Variants in ELFN1 observed in about 807,000 individuals in gnomAD.
The protein encoded by ELFN1 is protein ELFN1.
ELFN1 carries 6 observed loss-of-function variants against 7.6 expected under a neutral mutation model. That is an observed-to-expected ratio of 0.79 (90% CI 0.43 to 1.56). The LOEUF (loss-of-function observed/expected upper bound fraction) is 1.56, where lower values mean the gene tolerates loss of function less well. Among genes scored for constraint, ELFN1 ranks in the 40% most tolerant of loss-of-function variants. The pLI is 0.01. For synonymous variants in ELFN1, 657 were observed against 588.1 expected (o/e 1.12, Z -1.70); for missense variants, 1,169 against 1,232.2 (o/e 0.95, Z 0.77).
chr7:1,675,656 C>T (rs938197747), intron 1 of ELFN1, among the ~76,000 whole-genome samples: 2 of 152,186 alleles, frequency 1.3e-5, no homozygotes, highest in African/African-American at 2.4e-5. Context: ...GGGGGGCCGT[C>T]GGGGGGCTCC....
chr7:1,690,846 G>A (rs1368119530), intron 2 of ELFN1, among the ~76,000 whole-genome samples: 1 of 152,050 alleles, frequency 6.6e-6, no homozygotes, highest in East Asian at 1.9e-4. Flanking sequence ...ATGAATTGGT[G>A]GGTAAGTGGG....
At chr7:1,743,132 T>C (rs1432066778) in intron 3 of ELFN1, among the ~76,000 whole-genome samples, 2 of 152,006 alleles carry the variant, frequency 1.3e-5, no homozygotes, top group African/African-American at 4.8e-5. Context: ...GATGCCTCGC[T>C]CCCCGGACGT....
At chr7:1,716,562 G>C (rs911531654) in intron 3 of ELFN1, among the ~76,000 whole-genome samples, 1 of 152,248 alleles carries the variant, frequency 6.6e-6, no homozygotes, top group Non-Finnish European at 1.5e-5. Flanking sequence ...GTGATCCCCA[G>C]GTCCCCTGCA....
At chr7:1,741,127 C>T (rs1780598644) in intron 3 of ELFN1, among the ~76,000 whole-genome samples, 1 of 62,018 alleles carries the variant, frequency 1.6e-5, no homozygotes, top group Non-Finnish European at 3.4e-5. Flanking sequence ...AAGACTCTGT[C>T]TCAAAAAAAA....
At chr7:1,688,382 G>A (rs555187846) in intron 2 of ELFN1, among the ~76,000 whole-genome samples, 1 of 152,114 alleles carries the variant, frequency 6.6e-6, no homozygotes, top group African/African-American at 2.4e-5. Context: ...CTTTCTGTTA[G>A]CTTATAAAGA....
intron 2 of ELFN1, among the ~76,000 whole-genome samples, chr7:1,703,481 G>C (rs1398646502): frequency 6.6e-6 from 1 of 152,122 alleles, no homozygotes; most frequent in African/African-American, 2.4e-5. Flanking sequence ...ATTGAATTCT[G>C]TTTTCTTCCA....
chr7:1,702,427 G>GA (rs374309412), intron 2 of ELFN1, among the ~76,000 whole-genome samples: 19 of 141,084 alleles, frequency 1.3e-4, no homozygotes, highest in South Asian at 4.4e-4. Context: ...CGTCGGGGGG[G>GA]AAAAAAAAAA....
Position 1,705,229 on chromosome 7 carries a change from G to A in ELFN1, c.-455-3862G>A, listed in dbSNP as rs932706373. Among the ~76,000 whole-genome samples the A allele has an allele frequency of 1.3e-5, 2 of 152,134 alleles. No homozygotes were observed. The highest frequency in any genetic ancestry group is 2.4e-5 in the African/African-American group (1 of 41,426). On this transcript the variant is annotated intron_variant, in intron 2 of 3. Coordinates refer to ENST00000424383, the MANE Select transcript of ELFN1 (RefSeq NM_001128636.4). The surrounding 1 kb of genome is among the most constrained non-coding windows in gnomAD (Gnocchi z 4.3). ...CCTGGGCGGGGCGGCACAGCTGTGC[G>A]GGAGGCTGGGCTGCTGGCATCAGCA...
intron 3 of ELFN1, among the ~76,000 whole-genome samples, chr7:1,734,709 T>TC (rs1413694121): frequency 1.3e-5 from 2 of 148,740 alleles, no homozygotes; most frequent in Non-Finnish European, 3.0e-5. Context: ...TTTTTTTTCT[T>TC]TTTTTTTTTT....
chr7:1,734,101 T>C (rs1172237087), intron 3 of ELFN1, among the ~76,000 whole-genome samples: 2 of 152,146 alleles, frequency 1.3e-5, no homozygotes, highest in Non-Finnish European at 2.9e-5. Context: ...ACTGGAGAGA[T>C]TCAGGTCAGA....
At chr7:1,702,087 A>C (rs1779438796) in intron 2 of ELFN1, among the ~76,000 whole-genome samples, 1 of 152,038 alleles carries the variant, frequency 6.6e-6, no homozygotes, top group East Asian at 1.9e-4. Context: ...ATAATATCTG[A>C]GTCACCATAG....
At position 1,744,803 on chromosome 7, in the gene ELFN1, G is replaced by T; in HGVS notation, c.207G>T (p.Glu69Asp). The T allele has an allele frequency of 6.4e-7, 1 of 1,560,276 alleles. No individual in the cohort carries two copies. The highest frequency in any genetic ancestry group is 8.7e-7 in the Non-Finnish European group (1 of 1,151,496). ...CCATCGTGGACCTGCGGCTCAACGA[G>T]AACCGTATCCGCAGCGTGCAGTACG... ...NSTIVDLRLN[E>D]NRIRSVQYAS... Residue 69 changes from glutamate to aspartate, a missense_variant, in exon 4 of 4, where the codon GAG becomes GAT. By Grantham distance (45) the Glu-to-Asp change is conservative. Around this residue, in one of 2 missense-constraint regions of ELFN1, gnomAD observed 255 missense variants for 359.6 expected, o/e 0.71. Coordinates refer to ENST00000424383, the MANE Select transcript of ELFN1 (RefSeq NM_001128636.4).
intron 2 of ELFN1, chr7:1,692,410 C>G (rs1046778020): frequency 6.6e-6 from 1 of 152,388 alleles, no homozygotes; most frequent in African/African-American, 2.4e-5. Context: ...ACACCTCTCT[C>G]CCAAGCCTGG....
chr7:1,669,923 G>T (rs928137594), upstream of ELFN1, among the ~76,000 whole-genome samples: 10 of 150,198 alleles, frequency 6.7e-5, no homozygotes, highest in Non-Finnish European at 1.3e-4. Context: ...GGCCGGGGAC[G>T]GACCGCGAGG....
chr7:1,733,584 G>C (rs571127693), intron 3 of ELFN1, among the ~76,000 whole-genome samples: 1 of 152,252 alleles, frequency 6.6e-6, no homozygotes, highest in African/African-American at 2.4e-5. Context: ...GCCACTCCCT[G>C]CCTGGGGCGG....
At chr7:1,714,548 A>G (rs1316687156) in intron 3 of ELFN1, among the ~76,000 whole-genome samples, 1 of 152,268 alleles carries the variant, frequency 6.6e-6, no homozygotes, top group Non-Finnish European at 1.5e-5. Flanking sequence ...TAATCATAAA[A>G]ATAAATTCAG....
chr7:1,723,901 CT>C (rs1554253697), intron 3 of ELFN1, among the ~76,000 whole-genome samples: 1 of 152,240 alleles, frequency 6.6e-6, no homozygotes, highest in African/African-American at 2.4e-5. Context: ...TCTCCTCCCA[CT>C]TTTTTTTGGA....
chr7:1,681,241 C>G (rs1455915129), intron 1 of ELFN1, among the ~76,000 whole-genome samples: 1 of 152,198 alleles, frequency 6.6e-6, no homozygotes, highest in Non-Finnish European at 1.5e-5. Context: ...ATCCATTATC[C>G]AAAACACATG....
intron 3 of ELFN1, among the ~76,000 whole-genome samples, chr7:1,733,275 C>T (rs1006402431): frequency 1.3e-5 from 2 of 152,306 alleles, no homozygotes; most frequent in Admixed American, 6.5e-5. Context: ...CCCCGGGACA[C>T]GCAGTGCCCG....
Sources: gnomAD v4.1 joint callset for allele counts (sites outside exome capture counted in the v4.1 genomes callset) on GRCh38, gnomAD v4.1.1 for gene constraint, gnomAD v4.1.1 regional missense constraint, Gnocchi (gnomAD v3.1) non-coding constraint, MANE v1.5 for transcripts, NCBI Gene and HGNC (gene_info 2026-07-23, HGNC 2026-07-21) for gene names.